Variants in FAM83C observed in about 807,000 individuals in gnomAD.
FAM83C encodes the protein protein FAM83C.
A neutral mutation model predicts 27.1 loss-of-function variants in FAM83C; 23 were observed. The ratio of observed to expected loss-of-function variants is 0.85; its 90% CI spans 0.61 to 1.20. The LOEUF (loss-of-function observed/expected upper bound fraction) is 1.20. Among genes scored for constraint, FAM83C ranks in the 50% most tolerant of loss-of-function variants. The pLI, the probability that FAM83C is intolerant of heterozygous loss-of-function variation, is 0.00. For synonymous variants in FAM83C, 426 were observed against 423.1 expected, an observed-to-expected ratio of 1.01 and a Z score of -0.09; for missense variants, 984 against 1,001.3, an observed-to-expected ratio of 0.98 and a Z score of 0.23.
At position 35,292,160 on chromosome 20, in the gene FAM83C, C is replaced by T. The variant is rs754109769; in HGVS notation, c.145G>A (p.Ala49Thr). 24 of 1,597,634 alleles carry T rather than the reference C, an allele frequency of 1.5e-5. No homozygotes were observed. Among genetic ancestry groups the T allele is most frequent in the Non-Finnish European group, 1.9e-5 (22 of 1,179,190 alleles). ...TCACCCCGCTCCAGGAGGGCGTCGG[C>T]CGCCAGCCGAGCCGCCTCGCTGTGC... ...LRHSEAARLAADALLERGEAA... is the reference protein window; with the variant it reads ...LRHSEAARLATDALLERGEAA... Residue 49 changes from alanine (A) to threonine (T), a missense_variant, in exon 1 of 4, where the codon GCC (alanine) becomes ACC (threonine). Physicochemically the swap from Ala to Thr is moderately conservative, Grantham distance 58. Coordinates refer to ENST00000374408, the MANE Select transcript of FAM83C (RefSeq NM_178468.6).
At position 35,287,687 on chromosome 20, in the gene FAM83C, A is replaced by T. The variant is rs2060833208; in HGVS notation, c.1092T>A (p.Ala364=). ...CACTGCAATCACCACCTCCTGGTAG[A>T]GCGAGGTAGGAGGAGCGACCCATAA... is the stretch of plus-strand genomic sequence containing the variant. ...SPLMGRSSYL[A]LPGGGDCSDT... The change falls in exon 4 of 4, where the codon GCT becomes GCA. Residue 364 remains alanine, a synonymous_variant. Coordinates refer to ENST00000374408, the MANE Select transcript of FAM83C (RefSeq NM_178468.6). 18 of 1,613,932 alleles carry T rather than the reference A, an allele frequency of 1.1e-5. No homozygotes were observed. The highest frequency in any genetic ancestry group is 1.5e-5 in the Non-Finnish European group (18 of 1,179,974).
rs1434077953 is a variant in FAM83C, at chr20:35,287,725, T to G, written c.1054A>C (p.Lys352Gln). 3 of 1,613,930 alleles carry G rather than the reference T, an allele frequency of 1.9e-6. No individual in the cohort carries two copies. Among genetic ancestry groups the G allele is most frequent in the Non-Finnish European group, 2.5e-6 (3 of 1,179,908 alleles). Reference protein sequence around the residue: ...LPSSTSLSSIKQSPLMGRSSY... With the variant: ...LPSSTSLSSIQQSPLMGRSSY... ...GAGCGACCCATAAGCGGTGACTGCT[T>G]GATGCTGCTGAGGCTGGTGCTGGAG... The change falls in exon 4 of 4, where the codon AAG (lysine) becomes CAG (glutamine). Residue 352 changes from lysine (K) to glutamine (Q), a missense_variant. Coordinates refer to ENST00000374408, the MANE Select transcript of FAM83C (RefSeq NM_178468.6).
chr20:35,287,053 C>T lies in FAM83C; in HGVS notation c.1726G>A (p.Gly576Ser), dbSNP rs2060829452. Residue 576 changes from glycine to serine, a missense_variant, in exon 4 of 4, where the codon GGT becomes AGT. Coordinates refer to ENST00000374408, the MANE Select transcript of FAM83C (RefSeq NM_178468.6). Reference protein sequence around the residue: ...GAPELGSLRPGDRALEDRRLS... With the variant: ...GAPELGSLRPSDRALEDRRLS... Reference sequence around the variant, plus strand: ...CTCCTGTCCTCCAGGGCCCGATCACCAGGTCTGAGGGAACCCAACTCAGGG... The same window carrying T: ...CTCCTGTCCTCCAGGGCCCGATCACTAGGTCTGAGGGAACCCAACTCAGGG... 6 of 1,605,104 alleles carry T rather than the reference C, an allele frequency of 3.7e-6. No individual in the cohort carries two copies. The highest frequency in any genetic ancestry group is 4.2e-6 in the Non-Finnish European group (5 of 1,179,996).
chr20:35,288,582 T>C lies in FAM83C; in HGVS notation c.685A>G (p.Met229Val), dbSNP rs2060837296. The C allele has an allele frequency of 2.5e-6, 4 of 1,613,956 alleles. No individual in the cohort carries two copies. The highest frequency in any genetic ancestry group is 3.4e-6 in the Non-Finnish European group (4 of 1,179,968). The change falls in exon 3 of 4, where the codon ATG becomes GTG. Residue 229 changes from methionine (M) to valine (V), a missense_variant. Met to Val is a conservative substitution (Grantham distance 21). Transcript: ENST00000374408. ...TCCCCACACGTGCTCCGCACACGCA[T>C]GTTCTAGGTGGAAGTAGGTTGGGGG... ...MDLNGEHLPN[M>V]RVRSTCGDTY...
Position 35,287,529 on chromosome 20 carries a change from A to G in FAM83C, c.1250T>C (p.Leu417Pro). The change falls in exon 4 of 4, where the codon CTA becomes CCA. Residue 417 changes from leucine to proline, a missense_variant. Transcript: ENST00000374408. ...PGLYRANLGK[L>P]GAYPWSQSSP... ...GGACTGGGACCATGGGTATGCCCCT[A>G]GCTTGCCGAGATTGGCCCTATAGAG... 6.2e-7 allele frequency: 1 copy of G among 1,614,048 alleles called. No individual in the cohort carries two copies. Among genetic ancestry groups the G allele is most frequent in the South Asian group, 1.1e-5 (1 of 91,084 alleles).
chr20:35,288,029 C>T, intron 3 of FAM83C, 57 bp from the exon 4 acceptor site: 1 of 1,440,456 alleles, frequency 6.9e-7, no homozygotes, highest in Non-Finnish European at 9.4e-7. Context: ...TGGGGGTCGG[C>T]AGGAGTCACA....
At chr20:35,288,417 G>C (rs767956299) in intron 3 of FAM83C, 44 bp downstream of exon 3, 1 of 1,609,162 alleles carries the variant, frequency 6.2e-7, no homozygotes, top group Non-Finnish European at 8.5e-7. Flanking sequence ...CTGCCAGCCA[G>C]TGATGCAGCC....
Position 35,287,730 on chromosome 20 carries a change from C to T in FAM83C, c.1049G>A (p.Ser350Asn). The change falls in exon 4 of 4, where the codon AGC becomes AAC. Residue 350 changes from serine to asparagine, a missense_variant. By Grantham distance (46) the Ser-to-Asn change is conservative. Coordinates refer to ENST00000374408, the MANE Select transcript of FAM83C (RefSeq NM_178468.6). ...ACCCATAAGCGGTGACTGCTTGATG[C>T]TGCTGAGGCTGGTGCTGGAGGGCAG... ...SSLPSSTSLS[S>N]IKQSPLMGRS... The T allele has an allele frequency of 6.2e-7, 1 of 1,613,924 alleles. No individual in the cohort carries two copies. The highest frequency in any genetic ancestry group is 8.5e-7 in the Non-Finnish European group (1 of 1,179,904).
chr20:35,287,720 C>G lies in FAM83C; in HGVS notation c.1059G>C (p.Gln353His). 6.2e-7 allele frequency: 1 copy of G among 1,614,000 alleles called. No individual in the cohort carries two copies. Among genetic ancestry groups the G allele is most frequent in the Non-Finnish European group, 8.5e-7 (1 of 1,179,938 alleles). The change falls in exon 4 of 4, where the codon CAG becomes CAC. Residue 353 changes from glutamine to histidine, a missense_variant. Physicochemically the swap from Gln to His is conservative, Grantham distance 24. Transcript: ENST00000374408. ...AGGAGGAGCGACCCATAAGCGGTGACTGCTTGATGCTGCTGAGGCTGGTGC... is the reference window on the plus strand; with the variant it reads ...AGGAGGAGCGACCCATAAGCGGTGAGTGCTTGATGCTGCTGAGGCTGGTGC... The part of the protein sequence containing the change: ...PSSTSLSSIK[Q>H]SPLMGRSSYL...
At chr20:35,291,423 A>C (rs1341266389) in intron 1 of FAM83C, among the ~76,000 whole-genome samples, 2 of 152,136 alleles carry the variant, frequency 1.3e-5, no homozygotes, top group African/African-American at 2.4e-5. Context: ...CCAAGGTTGG[A>C]GTTCTTAGTG....
chr20:35,287,243 G>T lies in FAM83C; in HGVS notation c.1536C>A (p.Val512=). ...CCACTTCTCGGGCTCTGGGGAAGGG[G>T]ACAAGGAGATCCAGCTGGCCACGGC... ...SQSRGQLDLL[V]PFPRAREVGD... The change falls in exon 4 of 4, where the codon GTC becomes GTA. Residue 512 remains valine, a synonymous_variant. Transcript: ENST00000374408. 1 of 1,612,976 alleles carries T rather than the reference G, an allele frequency of 6.2e-7. No homozygotes were observed. Among genetic ancestry groups the T allele is most frequent in the East Asian group, 2.2e-5 (1 of 44,854 alleles).
At position 35,286,359 on chromosome 20, in the gene FAM83C, G is replaced by A. The variant is rs1412235757; in HGVS notation, c.*176C>T. 2 of 547,418 alleles carry A rather than the reference G, an allele frequency of 3.7e-6. No individual in the cohort carries two copies. Among genetic ancestry groups the A allele is most frequent in the Non-Finnish European group, 6.4e-6 (2 of 311,698 alleles). 33.9% of individuals were successfully genotyped at this position (547,418 alleles called of 1,614,324 possible). A position where few individuals can be genotyped will look rare whatever the true frequency, so the allele number is the denominator to read the frequency against. ...TTCAAGAAGATACTAGTTAGGGTGT[G>A]TGTGTGTGTGTGTGTGTGTGTGTGT... On this transcript the variant is annotated 3_prime_UTR_variant, in exon 4 of 4. Coordinates refer to ENST00000374408, the MANE Select transcript of FAM83C (RefSeq NM_178468.6).
In FAM83C at chr20:35,288,466, A is replaced by G; in HGVS notation, c.801T>C (p.Ser267=). 6.2e-7 allele frequency: 1 copy of G among 1,614,018 alleles called. No individual in the cohort carries two copies. The highest frequency in any genetic ancestry group is 2.2e-5 in the East Asian group (1 of 44,876). ...LIDCEQVVAG[S]YSFTWLCSQA... is the part of the protein sequence containing the mutation. ...GCCTCCTCGTGCCTGCTCACCTGTA[A>G]CTGCCCGCCACCACTTGCTCACAGT... The change falls in exon 3 of 4, where the codon AGT becomes AGC. Residue 267 remains serine, a synonymous_variant. Transcript: ENST00000374408.
In FAM83C at chr20:35,287,319, G is replaced by A. The variant is rs1046561771; in HGVS notation, c.1460C>T (p.Thr487Ile). The change falls in exon 4 of 4, where the codon ACA becomes ATA. Residue 487 changes from threonine (T) to isoleucine (I), a missense_variant. Coordinates refer to ENST00000374408, the MANE Select transcript of FAM83C (RefSeq NM_178468.6). ...CTTCTCCTCCACTGTCTCCAGGGTT[G>A]TGCCAGGTACCCATCGACCCCGCAG... ...SPLRGRWVPG[T>I]TLETVEEKEK... 6.2e-7 allele frequency: 1 copy of A among 1,613,740 alleles called. No homozygotes were observed. Among genetic ancestry groups the A allele is most frequent in the Non-Finnish European group, 8.5e-7 (1 of 1,180,044 alleles).
chr20:35,290,043 T>C (rs2060842337), intron 1 of FAM83C, among the ~76,000 whole-genome samples: 1 of 152,204 alleles, frequency 6.6e-6, no homozygotes, highest in African/African-American at 2.4e-5. Flanking sequence ...GGGTCACAGC[T>C]ACAAGCCACT....
Position 35,287,764 on chromosome 20 carries a change from T to G in FAM83C, c.1015A>C (p.Thr339Pro). ...CTGGTGCTGGAGGGCAGGGACGACG[T>G]GGGGCTTGGGACATCAGGCCTGAAG... ...LAFRPDVPSP[T>P]SSLPSSTSLS... The change falls in exon 4 of 4, where the codon ACG (threonine) becomes CCG (proline). Residue 339 changes from threonine to proline, a missense_variant. Coordinates refer to ENST00000374408, the MANE Select transcript of FAM83C (RefSeq NM_178468.6). 6.2e-7 allele frequency: 1 copy of G among 1,612,642 alleles called. No individual in the cohort carries two copies. Among genetic ancestry groups the G allele is most frequent in the East Asian group, 2.2e-5 (1 of 44,818 alleles).
In FAM83C at chr20:35,287,799, AC is replaced by A. The variant is rs1197295217; in HGVS notation, c.979del (p.Val327TrpfsTer3). On this transcript the variant is annotated frameshift_variant, in exon 4 of 4. Coordinates refer to ENST00000374408, the MANE Select transcript of FAM83C (RefSeq NM_178468.6). LOFTEE classifies it low-confidence loss of function (END_TRUNC). ...GACATCAGGCCTGAAGGCTAGGGCC[AC>A]AGGGGGAGGACGCAGTGCCCGGGGA... ...LSPRALRPPP[V>X]ALAFRPDVPS... The A allele has an allele frequency of 6.2e-7, 1 of 1,602,312 alleles. No individual in the cohort carries two copies. Among genetic ancestry groups the A allele is most frequent in the Non-Finnish European group, 8.5e-7 (1 of 1,174,110 alleles).
Position 35,291,881 on chromosome 20 carries a change from T to C in FAM83C, c.424A>G (p.Ser142Gly), listed in dbSNP as rs751340248. ...WPEVPQATGF[S>G]PTQAVVHFQR... ...AAGTGGACCACAGCCTGGGTGGGGC[T>C]GAAGCCTGTGGCCTGTGGCACCTCG... Residue 142 changes from serine to glycine, a missense_variant, in exon 1 of 4, where the codon AGC becomes GGC. By Grantham distance (56) the Ser-to-Gly change is moderately conservative. Coordinates refer to ENST00000374408, the MANE Select transcript of FAM83C (RefSeq NM_178468.6). The C allele has an allele frequency of 1.9e-6, 3 of 1,613,952 alleles. No homozygotes were observed. The highest frequency in any genetic ancestry group is 1.3e-5 in the African/African-American group (1 of 74,950).
At chr20:35,288,622 T>C in intron 2 of FAM83C, 37 bp from the exon 3 acceptor site, 1 of 1,610,628 alleles carries the variant, frequency 6.2e-7, no homozygotes, top group Non-Finnish European at 8.5e-7. Flanking sequence ...CTTGAGAGAG[T>C]GAGGCTCAAG....
Sources: gnomAD v4.1 joint callset for allele counts (sites outside exome capture counted in the v4.1 genomes callset) on GRCh38, gnomAD v4.1.1 for gene constraint, MANE v1.5 for transcripts, NCBI Gene and HGNC (gene_info 2026-07-23, HGNC 2026-07-21) for gene names.